The following PAK1 variants were observed in gnomAD, a reference collection of about 807,000 sequenced individuals.
PAK1 encodes p21 (RAC1) activated kinase 1.
In PAK1, 29 loss-of-function variants were observed where a neutral mutation model predicts 67.4. The ratio of observed to expected loss-of-function variants is 0.43; its 90% CI spans 0.32 to 0.59. PAK1 has a LOEUF of 0.59. Ranked by LOEUF, PAK1 falls within the 20% of genes least tolerant of loss-of-function variation. PAK1 has a pLI of 0.07. For synonymous variants in PAK1, 223 were observed against 237.4 expected, an observed-to-expected ratio of 0.94 and a Z score of 0.56; for missense variants, 337 against 670.7, an observed-to-expected ratio of 0.50 and a Z score of 5.50.
chr11:77,425,479 A>G (rs1262389988), intron 1 of PAK1, among the ~76,000 whole-genome samples: 3 of 152,184 alleles, frequency 2.0e-5, no homozygotes, highest in Non-Finnish European at 2.9e-5. Flanking sequence ...TAATTCTTAC[A>G]TACCCTCCTT....
At chr11:77,514,924 T>C in the PAK1 span, 1 of 152,064 alleles carries the variant, frequency 6.6e-6, no homozygotes, top group Non-Finnish European at 1.5e-5. Context: ...ACTCAGACCA[T>C]CCGAGGTTTC....
At chr11:77,422,895 T>C (rs1251819200) in intron 1 of PAK1, among the ~76,000 whole-genome samples, 1 of 151,682 alleles carries the variant, frequency 6.6e-6, no homozygotes, top group Non-Finnish European at 1.5e-5. Context: ...AGTACAAGAG[T>C]GAAAAGCACA....
chr11:77,445,023 C>A (rs1417375038), intron 1 of PAK1, among the ~76,000 whole-genome samples: 1 of 151,856 alleles, frequency 6.6e-6, no homozygotes, highest in Admixed American at 6.6e-5. Flanking sequence ...TAGGATTGAC[C>A]TTATTTGGAA....
the PAK1 span, among the ~76,000 whole-genome samples, chr11:77,503,643 G>C: frequency 1.3e-5 from 2 of 152,274 alleles, no homozygotes; most frequent in Non-Finnish European, 2.9e-5. Flanking sequence ...TGGGAGGATT[G>C]CTTAAGCCCT....
chr11:77,388,693 A>AC (rs1950761647), intron 2 of PAK1, among the ~76,000 whole-genome samples: 1 of 152,196 alleles, frequency 6.6e-6, no homozygotes, highest in Non-Finnish European at 1.5e-5. Context: ...GCACATGCCT[A>AC]CTGCTCTCTC....
intron 4 of PAK1, among the ~76,000 whole-genome samples, chr11:77,377,284 T>C (rs971983123): frequency 6.6e-6 from 1 of 152,052 alleles, no homozygotes; most frequent in Non-Finnish European, 1.5e-5. Flanking sequence ...TGTGAGCATA[T>C]ACAAATGAGG....
intron 1 of PAK1, among the ~76,000 whole-genome samples, chr11:77,402,221 C>T (rs1952793250): frequency 6.6e-6 from 1 of 152,122 alleles, no homozygotes; most frequent in African/African-American, 2.4e-5. Flanking sequence ...GTGACTGTAT[C>T]TGGGAGGCTT....
chr11:77,508,441 C>A, the PAK1 span, among the ~76,000 whole-genome samples: 29 of 152,062 alleles, frequency 1.9e-4, no homozygotes, highest in Non-Finnish European at 4.0e-4. Context: ...GAAAGACATC[C>A]CTAATTTGAG....
chr11:77,421,427 A>G (rs1955255555), intron 1 of PAK1, among the ~76,000 whole-genome samples: 1 of 152,156 alleles, frequency 6.6e-6, no homozygotes, highest in Admixed American at 6.5e-5. Context: ...TCTACTCTAT[A>G]TCAGCACCCT....
intron 1 of PAK1, among the ~76,000 whole-genome samples, chr11:77,441,765 T>C (rs1420600410): frequency 6.6e-6 from 1 of 152,256 alleles, no homozygotes; most frequent in African/African-American, 2.4e-5. Context: ...GAGATGATCA[T>C]GTAAAACTGA....
intron 1 of PAK1, among the ~76,000 whole-genome samples, chr11:77,438,436 T>C (rs1280273414): frequency 6.6e-6 from 1 of 152,190 alleles, no homozygotes; most frequent in Non-Finnish European, 1.5e-5. Context: ...ATCCAAACTG[T>C]ATCAAAGGCT....
At chr11:77,519,640 T>A in the PAK1 span, among the ~76,000 whole-genome samples, 3 of 152,228 alleles carry the variant, frequency 2.0e-5, no homozygotes, top group African/African-American at 7.2e-5. Flanking sequence ...TTTTTTTTCC[T>A]AATTCTATCA....
At chr11:77,441,936 G>A (rs1956373769) in intron 1 of PAK1, among the ~76,000 whole-genome samples, 1 of 152,174 alleles carries the variant, frequency 6.6e-6, no homozygotes, top group South Asian at 2.1e-4. Context: ...TCACGAAAGT[G>A]TCTGGTTGCT....
intron 1 of PAK1, among the ~76,000 whole-genome samples, chr11:77,453,092 C>A (rs1010446462): frequency 6.6e-6 from 1 of 152,164 alleles, no homozygotes; most frequent in South Asian, 2.1e-4. Context: ...CGGTGGCTCA[C>A]GCCTGTAATC....
In PAK1 at chr11:77,471,333, G is replaced by A. The variant is rs1469786543; in HGVS notation, c.-22+2219C>T. 2.6e-5 allele frequency among the ~76,000 whole-genome samples: 4 copies of A among 152,152 alleles called. No individual in the cohort carries two copies. The East Asian group carries it at 5.8e-4, about 22-fold the overall frequency. On this transcript the variant is annotated intron_variant, in intron 1 of 14. Coordinates refer to ENST00000356341, the MANE Select transcript of PAK1 (RefSeq NM_002576.5). The stretch of plus-strand genomic sequence containing the variant: ...GGTTCTCAAACTTTAGCAAGCATCA[G>A]AATCATTTAAAGGGCTTATTAAAGA...
chr11:77,488,559 G>T, the PAK1 span, among the ~76,000 whole-genome samples: 1 of 152,036 alleles, frequency 6.6e-6, no homozygotes, highest in Admixed American at 6.6e-5. Context: ...TACAGAGAAG[G>T]AATTCAGAAT....
chr11:77,523,671 A>G, the PAK1 span, among the ~76,000 whole-genome samples: 2 of 151,650 alleles, frequency 1.3e-5, no homozygotes, highest in Non-Finnish European at 2.9e-5. Context: ...TCCCGCCTTG[A>G]CCTCCCAAAG....
intron 1 of PAK1, among the ~76,000 whole-genome samples, chr11:77,454,511 G>C (rs1956998262): frequency 6.6e-6 from 1 of 151,860 alleles, no homozygotes; most frequent in African/African-American, 2.4e-5. Context: ...CTCCCTAACA[G>C]AGCCCAGACT....
At chr11:77,397,747 TA>T (rs1952026183) in intron 1 of PAK1, among the ~76,000 whole-genome samples, 1 of 152,190 alleles carries the variant, frequency 6.6e-6, no homozygotes, top group South Asian at 2.1e-4. Flanking sequence ...AAAACCAAGT[TA>T]ATCAACTATT....
Sources: gnomAD v4.1 joint callset for allele counts (sites outside exome capture counted in the v4.1 genomes callset) on GRCh38, gnomAD v4.1.1 for gene constraint, MANE v1.5 for transcripts, NCBI Gene and HGNC (gene_info 2026-07-23, HGNC 2026-07-21) for gene names.